TANC2: variants seen among roughly 807,000 people sequenced by gnomAD.
TANC2 encodes the protein tetratricopeptide repeat, ankyrin repeat and coiled-coil containing 2, also known as protein TANC2.
A neutral mutation model predicts 210.5 loss-of-function variants in TANC2; 26 were observed. The ratio of observed to expected loss-of-function variants is 0.12; its 90% CI spans 0.09 to 0.17. The LOEUF (loss-of-function observed/expected upper bound fraction) is 0.17. TANC2 is among the 10% of genes least tolerant of loss of function. TANC2 has a pLI of 1.00. For missense variants in TANC2, 2,129 were observed against 2,608.9 expected, an observed-to-expected ratio of 0.82 and a Z score of 4.01; for synonymous variants, 931 against 967.1, an observed-to-expected ratio of 0.96 and a Z score of 0.69.
At chr17:63,137,640 A>G (rs1025665031) in intron 4 of TANC2, among the ~76,000 whole-genome samples, 6 of 152,320 alleles carry the variant, frequency 3.9e-5, no homozygotes, top group African/African-American at 1.4e-4. Context: ...CTCACTTTGT[A>G]TAGTAAAACT....
intron 5 of TANC2, among the ~76,000 whole-genome samples, chr17:63,191,755 G>A (rs539894914): frequency 6.2e-4 from 95 of 152,158 alleles, no homozygotes; most frequent in African/African-American, 2.1e-3. Context: ...GAGCCACCGC[G>A]CCTGGCCCCA....
intron 4 of TANC2, among the ~76,000 whole-genome samples, chr17:63,126,008 C>T (rs891986000): frequency 3.3e-5 from 5 of 152,094 alleles, no homozygotes; most frequent in African/African-American, 7.2e-5. Flanking sequence ...CCTCAGTTTC[C>T]GCATCTGCAA....
At chr17:63,322,957 A>T (rs1211198273) in intron 11 of TANC2, among the ~76,000 whole-genome samples, 1 of 152,216 alleles carries the variant, frequency 6.6e-6, no homozygotes, top group Non-Finnish European at 1.5e-5. Flanking sequence ...ATCTAGTTGC[A>T]CCTAGACATG....
chr17:63,206,624 A>G (rs568765607), intron 7 of TANC2, among the ~76,000 whole-genome samples: 2 of 152,332 alleles, frequency 1.3e-5, no homozygotes, highest in African/African-American at 2.4e-5. Context: ...ATATGGTTCC[A>G]CTCATATAAA....
At chr17:63,165,645 C>G (rs182901481) in intron 5 of TANC2, among the ~76,000 whole-genome samples, 3 of 152,230 alleles carry the variant, frequency 2.0e-5, no homozygotes, top group South Asian at 2.1e-4. Context: ...AGAAAACATC[C>G]CAGATTTGGA....
rs74889364 is a variant in TANC2 at position 63,122,021 on chromosome 17, A to G, written c.322+22664A>G. Among the ~76,000 whole-genome samples, 512 of 152,148 alleles carry G rather than the reference A, an allele frequency of 3.4e-3. 2 individuals are homozygous for G. Among genetic ancestry groups the G allele is most frequent in the Non-Finnish European group, 5.8e-3 (397 of 67,992 alleles). On this transcript the variant is annotated intron_variant, in intron 4 of 27. Transcript: ENST00000689528. ...GGAGGGTGCATATTTCCCTGGAGAA[A>G]GAGATTGAGAATCAAGAGGCAAGGA...
At chr17:63,141,383 A>G (rs2039285645) in intron 4 of TANC2, among the ~76,000 whole-genome samples, 4 of 52,940 alleles carry the variant, frequency 7.6e-5, no homozygotes, top group Non-Finnish European at 1.4e-4. Flanking sequence ...TTCTACTAAA[A>G]AAAAAAAAAA....
rs1486226721 is a variant in TANC2, at chr17:63,057,932, TCTTTTGGGTATATA to T, written c.68-16009_68-15996del. 1.3e-5 allele frequency among the ~76,000 whole-genome samples: 2 copies of T among 152,162 alleles called. 1 individual carries two copies. On this transcript the variant is annotated intron_variant, in intron 2 of 27. Coordinates refer to ENST00000689528, the Ensembl canonical transcript of TANC2. ...TCCTTATGGTAGAACAGTTTTGTAT[TCTTTTGGGTATATA>T]CCCAGTAGTGGAATTGCTGGGTTGA...
intron 4 of TANC2, among the ~76,000 whole-genome samples, chr17:63,122,903 A>G (rs2038541677): frequency 6.6e-6 from 1 of 152,220 alleles, no homozygotes; most frequent in South Asian, 2.1e-4. Flanking sequence ...CTTAAGTAAA[A>G]TCTCAGAAGC....
At chr17:63,345,635 A>C (rs949610628) in intron 12 of TANC2, among the ~76,000 whole-genome samples, 5 of 151,914 alleles carry the variant, frequency 3.3e-5, no homozygotes, top group Non-Finnish European at 5.9e-5. Flanking sequence ...AAAAAAAAAA[A>C]AAAACACATA....
intron 9 of TANC2, among the ~76,000 whole-genome samples, chr17:63,274,408 C>T (rs1002887445): frequency 2.0e-4 from 31 of 152,124 alleles, no homozygotes; most frequent in African/African-American, 6.8e-4. Context: ...TGTACTAGTA[C>T]AGAGTATATA....
chr17:63,055,082 C>G (rs922597045), intron 2 of TANC2, among the ~76,000 whole-genome samples: 2 of 152,204 alleles, frequency 1.3e-5, no homozygotes, highest in Non-Finnish European at 2.9e-5. Flanking sequence ...GAGGAATAGT[C>G]ACCCAGTTGC....
intron 6 of TANC2, among the ~76,000 whole-genome samples, chr17:63,199,284 C>T (rs974843321): frequency 2.6e-5 from 4 of 151,966 alleles, no homozygotes; most frequent in African/African-American, 4.8e-5. Context: ...ATCATTAGTG[C>T]GTCTTCAAGT....
rs1431062855 is a variant in TANC2, at chr17:63,421,572, C to G, written c.5842C>G (p.Gln1948Glu). The G allele has an allele frequency of 1.2e-6, 2 of 1,613,896 alleles. No individual in the cohort carries two copies. The highest frequency in any genetic ancestry group is 2.2e-5 in the East Asian group (1 of 44,896). The change falls in exon 28 of 28, where the codon CAG (glutamine) becomes GAG (glutamate). Residue 1948 changes from glutamine to glutamate, a missense_variant. Gln to Glu is a conservative substitution (Grantham distance 29). Coordinates refer to ENST00000689528, the Ensembl canonical transcript of TANC2. The surrounding 1 kb of genome is among the most constrained non-coding windows in gnomAD (Gnocchi z 6.9). Reference sequence around the variant, plus strand: ...TCAGCAGTACCCCCACCTCCACCAGCAGAATCGGACCTGGGCAGTGTCATC... The same window carrying G: ...TCAGCAGTACCCCCACCTCCACCAGGAGAATCGGACCTGGGCAGTGTCATC...
chr17:63,088,547 A>T (rs528990686), intron 3 of TANC2: 2 of 152,298 alleles, frequency 1.3e-5, no homozygotes, highest in African/African-American at 4.8e-5. Flanking sequence ...GCTTTTTCCC[A>T]GTCAGTGCTG....
At chr17:63,358,376 A>AGAGAGAGAGAGTGTGTGT (rs1470682571) in intron 14 of TANC2, among the ~76,000 whole-genome samples, 1 of 80,942 alleles carries the variant, frequency 1.2e-5, no homozygotes, top group African/African-American at 3.7e-5. Flanking sequence ...AGAGAGAGAG[A>AGAGAGAGAGAGTGTGTGT]GTATGTGTGT....
chr17:63,032,019 A>G (rs1220944374), intron 2 of TANC2, among the ~76,000 whole-genome samples: 2 of 152,126 alleles, frequency 1.3e-5, no homozygotes, highest in East Asian at 3.9e-4. Flanking sequence ...AGAAAACTTG[A>G]CACATTTTGT....
At chr17:63,281,755 G>T (rs2044065151) in intron 9 of TANC2, among the ~76,000 whole-genome samples, 1 of 151,998 alleles carries the variant, frequency 6.6e-6, no homozygotes, top group Non-Finnish European at 1.5e-5. Flanking sequence ...CTAAATTAGG[G>T]TGAGCCCTAA....
At chr17:62,976,455 G>GT (rs553720202) in intron 1 of TANC2, among the ~76,000 whole-genome samples, 8,613 of 140,002 alleles carry the variant, frequency 0.062, 368 homozygotes, top group African/African-American at 0.12. Context: ...GGTTTGTCTG[G>GT]TTTTTTTTTT....
Sources: gnomAD v4.1 joint callset for allele counts (sites outside exome capture counted in the v4.1 genomes callset) on GRCh38, gnomAD v4.1.1 for gene constraint, Gnocchi (gnomAD v3.1) non-coding constraint, MANE v1.5 for transcripts, NCBI Gene and HGNC (gene_info 2026-07-23, HGNC 2026-07-21) for gene names.